PDE3A: variants seen among roughly 807,000 people sequenced by gnomAD.
PDE3A encodes the protein phosphodiesterase 3A.
In PDE3A, 43 loss-of-function variants were observed where a neutral mutation model predicts 98.3. The observed-to-expected ratio is 0.44, with a 90% CI of 0.34 to 0.56. The LOEUF is 0.56. Ranked by LOEUF, PDE3A falls within the 20% of genes least tolerant of loss-of-function variation. The pLI is 0.01. For missense variants in PDE3A, 1,427 were observed against 1,440.7 expected, an observed-to-expected ratio of 0.99 and a Z score of 0.15; for synonymous variants, 663 against 567.9, an observed-to-expected ratio of 1.17 and a Z score of -2.38.
rs113289111 is a variant in PDE3A, at chr12:20,577,049, T to C, written c.1011+20339T>C. ...CAATACCACTGTATTAGAAGTACTTTAGAGGGGGAAAATATTAAATCTTCC... is the reference window on the plus strand; with the variant it reads ...CAATACCACTGTATTAGAAGTACTTCAGAGGGGGAAAATATTAAATCTTCC... On this transcript the variant is annotated intron_variant, in intron 2 of 15. Transcript: ENST00000359062. Among the ~76,000 whole-genome samples the C allele has an allele frequency of 3.5e-3, 537 of 152,166 alleles. 8 individuals carry two copies. Among genetic ancestry groups the C allele is most frequent in the African/African-American group, 0.012 (518 of 41,550 alleles).
intron 2 of PDE3A, among the ~76,000 whole-genome samples, chr12:20,584,963 C>A (rs1194027430): frequency 6.6e-6 from 1 of 152,166 alleles, no homozygotes; most frequent in Non-Finnish European, 1.5e-5. Context: ...GAACATTTTT[C>A]ACTTCTTTGT....
intron 1 of PDE3A, among the ~76,000 whole-genome samples, chr12:20,421,615 AC>A (rs369102522): frequency 0.049 from 7,428 of 150,682 alleles, 209 homozygotes; most frequent in African/African-American, 0.062. Context: ...AAAAAAAAAA[AC>A]CACCCATGCT....
chr12:20,418,521 A>G (rs1282438972), intron 1 of PDE3A, among the ~76,000 whole-genome samples: 2 of 152,184 alleles, frequency 1.3e-5, no homozygotes, highest in African/African-American at 2.4e-5. Context: ...TTTCATTTAA[A>G]TTGTATTTAA....
At chr12:20,506,963 A>G (rs141202706) in intron 1 of PDE3A, among the ~76,000 whole-genome samples, 1 of 152,190 alleles carries the variant, frequency 6.6e-6, no homozygotes, top group Admixed American at 6.6e-5. Flanking sequence ...ACCATAAAAT[A>G]TTTTAAAGAT....
intron 1 of PDE3A, among the ~76,000 whole-genome samples, chr12:20,380,527 T>G (rs1943645411): frequency 6.6e-6 from 1 of 151,910 alleles, no homozygotes; most frequent in African/African-American, 2.4e-5. Context: ...TTTTAATACT[T>G]AGAGAAGATA....
chr12:20,471,930 G>T (rs553337517), intron 1 of PDE3A, among the ~76,000 whole-genome samples: 1 of 152,074 alleles, frequency 6.6e-6, no homozygotes, highest in Non-Finnish European at 1.5e-5. Context: ...TTTAACCAGC[G>T]TGGCATTGAC....
rs1490292883 is a variant in PDE3A, at chr12:20,658,575, G to A, written c.3184+4370G>A. Among the ~76,000 whole-genome samples the A allele has an allele frequency of 6.6e-5, 10 of 152,240 alleles. No individual in the cohort carries two copies. In the South Asian group the frequency reaches 2.1e-3, roughly 32 times the overall value. ...TGGGAGAATTGTTCAATGCTGCTGT[G>A]AGCTAGTGAAAAAGTGCTGGAGGAT... is the stretch of plus-strand genomic sequence containing the variant. On this transcript the variant is annotated intron_variant, in intron 15 of 15. Coordinates refer to ENST00000359062, the MANE Select transcript of PDE3A (RefSeq NM_000921.5).
intron 6 of PDE3A, among the ~76,000 whole-genome samples, chr12:20,632,395 C>T (rs1294201604): frequency 3.9e-5 from 6 of 152,118 alleles, no homozygotes; most frequent in Non-Finnish European, 8.8e-5. Flanking sequence ...AAACAATAAG[C>T]TATCACTACT....
intron 1 of PDE3A, among the ~76,000 whole-genome samples, chr12:20,392,625 G>A (rs1402838949): frequency 6.6e-6 from 1 of 152,022 alleles, no homozygotes; most frequent in Non-Finnish European, 1.5e-5. Context: ...GAACTCCCAT[G>A]TGATCCAGCA....
At chr12:20,403,706 CT>C (rs1230063664) in intron 1 of PDE3A, among the ~76,000 whole-genome samples, 1 of 152,014 alleles carries the variant, frequency 6.6e-6, no homozygotes, top group African/African-American at 2.4e-5. Context: ...TACATTTTGT[CT>C]TTTTTATAAG....
intron 2 of PDE3A, chr12:20,557,220 G>A (rs924338658): frequency 4.5e-5 from 7 of 156,248 alleles, no homozygotes; most frequent in Admixed American, 2.0e-4. Flanking sequence ...TATATTACCA[G>A]AGTGTTTTCA....
intron 2 of PDE3A, among the ~76,000 whole-genome samples, chr12:20,601,262 GTTT>G (rs750316615): frequency 6.8e-6 from 1 of 146,280 alleles, no homozygotes; most frequent in Admixed American, 6.9e-5. Flanking sequence ...TTGTTTGTTT[GTTT>G]TTTGGCTTGC....
chr12:20,646,454 C>A, intron 10 of PDE3A, 36 bp from the exon 11 acceptor site: 2 of 1,163,194 alleles, frequency 1.7e-6, no homozygotes, highest in Non-Finnish European at 2.6e-6. Flanking sequence ...CCCCAAAGTT[C>A]ATAAACTGAT....
rs1401025995 is a variant in PDE3A, at chr12:20,687,332, T to C, written c.*7061T>C. Among the ~76,000 whole-genome samples, 3 of 152,090 alleles carry C rather than the reference T, an allele frequency of 2.0e-5. No individual in the cohort carries two copies. Among genetic ancestry groups the C allele is most frequent in the Non-Finnish European group, 2.9e-5 (2 of 67,960 alleles). ...TATTTATAAGGATAATTTAGTATTA[T>C]AGTATTGCTAACTTTAATAATTCTA... On this transcript the variant is annotated 3_prime_UTR_variant, in exon 16 of 16. Transcript: ENST00000359062.
chr12:20,370,033 T>C lies in PDE3A; in HGVS notation c.749T>C (p.Leu250Pro), dbSNP rs753853780. The change falls in exon 1 of 16, where the codon CTC (leucine) becomes CCC (proline). Residue 250 changes from leucine (L) to proline (P), a missense_variant. This residue lies in a region of PDE3A where 1,012 missense variants were observed against 886.5 expected (regional missense o/e 1.14). Transcript: ENST00000359062. ...LAYLAGVLGI[L>P]LARYVEQILP... ...TACCTGGCCGGCGTGCTGGGGATCC[T>C]CTTGGCCAGGTACGTGGAACAAATC... 1.2e-6 allele frequency: 2 copies of C among 1,613,076 alleles called. No individual in the cohort carries two copies. Among genetic ancestry groups the C allele is most frequent in the South Asian group, 1.1e-5 (1 of 91,076 alleles).
chr12:20,602,883 G>T (rs987189245), intron 2 of PDE3A, among the ~76,000 whole-genome samples: 29 of 152,028 alleles, frequency 1.9e-4, no homozygotes, highest in African/African-American at 6.8e-4. Context: ...TTATAAATGG[G>T]TCCTATGAAA....
At chr12:20,444,416 AAAACC>A (rs1183577987) in intron 1 of PDE3A, among the ~76,000 whole-genome samples, 1 of 152,206 alleles carries the variant, frequency 6.6e-6, no homozygotes, top group African/African-American at 2.4e-5. Flanking sequence ...TTCAAAAACC[AAAACC>A]AAACCAAATA....
At chr12:20,671,377 C>G (rs1945476427) in intron 15 of PDE3A, among the ~76,000 whole-genome samples, 1 of 152,094 alleles carries the variant, frequency 6.6e-6, no homozygotes, top group South Asian at 2.1e-4. Context: ...GATACCGAAG[C>G]CAGGCAGAGA....
intron 9 of PDE3A, among the ~76,000 whole-genome samples, chr12:20,638,862 T>C (rs1195634313): frequency 6.6e-6 from 1 of 152,098 alleles, no homozygotes; most frequent in East Asian, 1.9e-4. Context: ...TGCAGGTTTT[T>C]TTTTTAAATA....
Sources: gnomAD v4.1 joint callset for allele counts (sites outside exome capture counted in the v4.1 genomes callset) on GRCh38, gnomAD v4.1.1 for gene constraint, gnomAD v4.1.1 regional missense constraint, MANE v1.5 for transcripts, NCBI Gene and HGNC (gene_info 2026-07-23, HGNC 2026-07-21) for gene names.